Variants in SP100 observed in about 807,000 individuals in gnomAD.
The protein encoded by SP100 is SP100 nuclear body protein.
SP100 carries 84 observed loss-of-function variants against 130.0 expected under a neutral mutation model. The observed-to-expected ratio is 0.65, with a 90% confidence interval of 0.54 to 0.77. The LOEUF (loss-of-function observed/expected upper bound fraction) is 0.77, where lower values mean the gene tolerates loss of function less well. SP100 is among the 30% of genes least tolerant of loss of function. The pLI, the probability that SP100 is intolerant of heterozygous loss-of-function variation, is 0.00. For synonymous variants in SP100, 331 were observed against 351.7 expected (o/e 0.94, Z 0.66); for missense variants, 978 against 1,052.2 (o/e 0.93, Z 0.97).
intron 8 of SP100, among the ~76,000 whole-genome samples, chr2:230,454,484 A>C (rs2064170033): frequency 6.6e-6 from 1 of 151,958 alleles, no homozygotes; most frequent in African/African-American, 2.4e-5. Context: ...GATATGTTAC[A>C]TTTCTATCTT....
At chr2:230,533,826 A>G (rs2150110689) in intron 24 of SP100, among the ~76,000 whole-genome samples, 1 of 152,334 alleles carries the variant, frequency 6.6e-6, no homozygotes, top group Admixed American at 6.5e-5. Context: ...GCTCTTTAAT[A>G]GAAGATTGTA....
chr2:230,483,687 A>C (rs2150023136), intron 17 of SP100, among the ~76,000 whole-genome samples: 1 of 152,286 alleles, frequency 6.6e-6, no homozygotes, highest in South Asian at 2.1e-4. Flanking sequence ...GTAGCAGTGG[A>C]AGCGTTCAAA....
intron 24 of SP100, among the ~76,000 whole-genome samples, chr2:230,519,444 T>G (rs1691067115): frequency 6.6e-6 from 1 of 152,198 alleles, no homozygotes; most frequent in African/African-American, 2.4e-5. Context: ...GTTTGCTCCT[T>G]CTGTTCCAAA....
intron 24 of SP100, among the ~76,000 whole-genome samples, chr2:230,513,649 A>G (rs1575787681): frequency 6.6e-6 from 1 of 152,176 alleles, no homozygotes; most frequent in African/African-American, 2.4e-5. Flanking sequence ...GGGGGAAAAA[A>G]ACCTTGTTAT....
rs548041512 is a variant in SP100, at chr2:230,499,564, A to C, written c.1720+1029A>C. ...GTGGTGGCAAACCTGCTTGGGAATT[A>C]AGACACTGGATGGTCCTTCTAGAAG... is the stretch of plus-strand genomic sequence containing the variant. On this transcript the variant is annotated intron_variant, in intron 19 of 28. Coordinates refer to ENST00000340126, the MANE Select transcript of SP100 (RefSeq NM_001080391.2). Among the ~76,000 whole-genome samples, 4 of 128,874 alleles carry C rather than the reference A, an allele frequency of 3.1e-5. No individual in the cohort carries two copies. In the South Asian group the frequency reaches 1.0e-3, roughly 33 times the overall value. The allele number at this position is 128,874 out of a possible 152,430, so 84.5% of individuals were successfully genotyped here.
Position 230,483,864 on chromosome 2 carries a change from C to T in SP100, c.1600+9417C>T, listed in dbSNP as rs115957518. Among the ~76,000 whole-genome samples, 1,372 of 152,234 alleles carry T rather than the reference C, an allele frequency of 9.0e-3. 11 individuals are homozygous for T. The highest frequency in any genetic ancestry group is 0.013 in the Non-Finnish European group (905 of 68,012). Reference sequence around the variant, plus strand: ...AGTAGAAATACAGAATAAGGTTTTTCGAAGCCTCTGGTCATATTTTCCTCA... The same window carrying T: ...AGTAGAAATACAGAATAAGGTTTTTTGAAGCCTCTGGTCATATTTTCCTCA... On this transcript the variant is annotated intron_variant, in intron 17 of 28. Coordinates refer to ENST00000340126, the MANE Select transcript of SP100 (RefSeq NM_001080391.2).
At chr2:230,439,225 T>C (rs1039640964) in intron 2 of SP100, among the ~76,000 whole-genome samples, 1 of 152,212 alleles carries the variant, frequency 6.6e-6, no homozygotes, top group African/African-American at 2.4e-5. Context: ...TGCTGATTTG[T>C]TTGAGTTATT....
At chr2:230,433,660 A>C (rs1261982116) in intron 2 of SP100, among the ~76,000 whole-genome samples, 2 of 152,074 alleles carry the variant, frequency 1.3e-5, no homozygotes, top group Non-Finnish European at 2.9e-5. Context: ...AATTTCTCTC[A>C]TCAATGTTTT....
intron 12 of SP100, 38 bp from the exon 13 acceptor site, chr2:230,467,082 C>A: frequency 7.3e-7 from 1 of 1,370,094 alleles, no homozygotes; most frequent in Non-Finnish European, 1.0e-6. Context: ...CCTTATCATA[C>A]ATTGAGAGCT....
chr2:230,527,378 G>A (rs188692024), intron 24 of SP100, among the ~76,000 whole-genome samples: 1 of 152,306 alleles, frequency 6.6e-6, no homozygotes, highest in African/African-American at 2.4e-5. Context: ...CAAATGCTGA[G>A]AGATTTTGTC....
chr2:230,434,609 A>G (rs959038926), intron 2 of SP100, among the ~76,000 whole-genome samples: 2 of 152,312 alleles, frequency 1.3e-5, no homozygotes, highest in African/African-American at 2.4e-5. Flanking sequence ...AGAAAAAAAA[A>G]TAGAGGCAGA....
intron 2 of SP100, among the ~76,000 whole-genome samples, chr2:230,427,350 CG>C (rs775527855): frequency 2.0e-5 from 3 of 151,990 alleles, no homozygotes; most frequent in Non-Finnish European, 4.4e-5. Flanking sequence ...TTAGTAGAGA[CG>C]GGGTTTCACT....
intron 17 of SP100, among the ~76,000 whole-genome samples, chr2:230,481,276 C>T (rs1678198): frequency 0.47 from 71,180 of 151,882 alleles, 16,914 homozygotes; most frequent in South Asian, 0.62. Context: ...CAAACTTCTA[C>T]CTGAAGTCTA....
intron 2 of SP100, among the ~76,000 whole-genome samples, chr2:230,429,616 A>G (rs1434655349): frequency 3.9e-5 from 6 of 152,012 alleles, no homozygotes; most frequent in Non-Finnish European, 5.9e-5. Context: ...ATGGTGTCCC[A>G]TAAATCCCAT....
chr2:230,453,878 G>T (rs2064138283), intron 8 of SP100, among the ~76,000 whole-genome samples: 2 of 152,220 alleles, frequency 1.3e-5, no homozygotes, highest in East Asian at 3.9e-4. Context: ...ATTGCTATTT[G>T]TTCCTTAAAT....
At chr2:230,518,716 A>C (rs1275135449) in intron 24 of SP100, among the ~76,000 whole-genome samples, 2 of 152,112 alleles carry the variant, frequency 1.3e-5, no homozygotes, top group African/African-American at 4.8e-5. Context: ...CATCATTTCA[A>C]GTTATTTTCC....
In SP100 at chr2:230,542,956, T is replaced by G; in HGVS notation, c.*10T>G. On this transcript the variant is annotated 3_prime_UTR_variant, in exon 29 of 29. Transcript: ENST00000340126. ...TATAATGTTTATTTAGCCATTCTTATCTCCTCCCTTCAGATCCTCTGGCAG... is the reference window on the plus strand; with the variant it reads ...TATAATGTTTATTTAGCCATTCTTAGCTCCTCCCTTCAGATCCTCTGGCAG... The G allele has an allele frequency of 7.1e-7, 1 of 1,416,540 alleles. No individual in the cohort carries two copies. Among genetic ancestry groups the G allele is most frequent in the African/African-American group, 1.4e-5 (1 of 71,698 alleles). 87.7% of individuals were successfully genotyped at this position (1,416,540 alleles called of 1,614,324 possible). A position where few individuals can be genotyped will look rare whatever the true frequency, so the allele number is the denominator to read the frequency against.
chr2:230,429,589 G>T (rs1029749578), intron 2 of SP100, among the ~76,000 whole-genome samples: 1 of 151,636 alleles, frequency 6.6e-6, no homozygotes, highest in Admixed American at 6.6e-5. Flanking sequence ...CCCATAATTT[G>T]TATGTTGTTT....
Position 230,469,392 on chromosome 2 carries a change from GA to G in SP100, c.1345+297del. ...TCAGGGCCCAGCTGATGGGGGCTCT[GA>G]CATCTTTAAGATGTTGCTTCCATGG... On this transcript the variant is annotated intron_variant, in intron 14 of 28. Coordinates refer to ENST00000340126, the MANE Select transcript of SP100 (RefSeq NM_001080391.2). The G allele has an allele frequency of 1.6e-5, 8 of 507,606 alleles. 3 individuals are homozygous for G. The Admixed American group carries it at 1.8e-4, about 12-fold the overall frequency. 31.4% of individuals were successfully genotyped at this position (507,606 alleles called of 1,614,324 possible).
Sources: allele counts gnomAD v4.1 joint callset (sites outside exome capture counted in the v4.1 genomes callset), GRCh38; gene constraint gnomAD v4.1.1; transcripts MANE v1.5; gene names NCBI Gene and HGNC (gene_info 2026-07-23, HGNC 2026-07-21).